MIA2: variants seen among roughly 807,000 people sequenced by gnomAD.
MIA2 encodes melanoma inhibitory activity protein 2.
Under a neutral mutation model 167.8 loss-of-function variants are expected in MIA2, and 127 were observed. That is an observed-to-expected ratio of 0.76 (90% CI 0.66 to 0.88). MIA2 has a LOEUF of 0.88. Ranked by LOEUF, MIA2 falls within the 40% of genes least tolerant of loss-of-function variation. The pLI is 0.00. For missense variants in MIA2, 1,690 were observed against 1,624.7 expected (o/e 1.04, Z -0.69); for synonymous variants, 552 against 541.9 (o/e 1.02, Z -0.26).
rs577804139 is a variant in MIA2, at chr14:39,314,460, C to A, written c.3120-279C>A. Among the ~76,000 whole-genome samples the A allele has an allele frequency of 4.7e-5, 7 of 148,436 alleles. No individual in the cohort carries two copies. In the South Asian group the frequency reaches 1.5e-3, roughly 32 times the overall value. On this transcript the variant is annotated intron_variant, in intron 19 of 28. Coordinates refer to ENST00000640607, the MANE Select transcript of MIA2 (RefSeq NM_001329214.4). ...CTTCTTAAAAATAAAAAAAAAACAA[C>A]ACAATATACCACGTAAATATTTATG...
intron 3 of MIA2, among the ~76,000 whole-genome samples, chr14:39,242,324 A>ATTTTTTTTTT: frequency 7.1e-6 from 1 of 141,290 alleles, no homozygotes; most frequent in Admixed American, 7.2e-5. Flanking sequence ...TACTTATTGC[A>ATTTTTTTTTT]TTTTTTTTTT....
Position 39,247,356 on chromosome 14 carries a change from A to C in MIA2, c.782A>C (p.Glu261Ala). The stretch of plus-strand genomic sequence containing the variant: ...AGTAGAAAAATAGCAGTGGAAGATG[A>C]GAATGACCTAGAGGAATTAAATAAT... Reference protein sequence around the residue: ...FRSRKIAVEDENDLEELNNGE... With the variant: ...FRSRKIAVEDANDLEELNNGE... Residue 261 changes from glutamate (E) to alanine (A), a missense_variant, in exon 4 of 29, where the codon GAG becomes GCG. Glu to Ala is a moderately radical substitution (Grantham distance 107, BLOSUM62 -1). Coordinates refer to ENST00000640607, the MANE Select transcript of MIA2 (RefSeq NM_001329214.4). The C allele has an allele frequency of 6.2e-7, 1 of 1,614,148 alleles. No homozygotes were observed. Among genetic ancestry groups the C allele is most frequent in the South Asian group, 1.1e-5 (1 of 91,074 alleles).
At chr14:39,341,023 T>C (rs1032472495) in intron 25 of MIA2, among the ~76,000 whole-genome samples, 5 of 151,996 alleles carry the variant, frequency 3.3e-5, no homozygotes, top group African/African-American at 1.2e-4. Flanking sequence ...TAATATTGGC[T>C]GGGCATGGTG....
intron 24 of MIA2, among the ~76,000 whole-genome samples, chr14:39,324,568 G>A (rs1236970240): frequency 2.0e-5 from 3 of 151,952 alleles, no homozygotes; most frequent in African/African-American, 7.2e-5. Flanking sequence ...TCTTAAAGGA[G>A]GTACTGAAAT....
intron 23 of MIA2, among the ~76,000 whole-genome samples, chr14:39,377,948 G>A (rs1033655431): frequency 8.5e-5 from 13 of 152,158 alleles, no homozygotes; most frequent in African/African-American, 2.9e-4. Flanking sequence ...GTCACCAAGT[G>A]ACATTCTTTA....
chr14:39,269,031 T>C, intron 6 of MIA2: 1 of 983,944 alleles, frequency 1.0e-6, no homozygotes, highest in Non-Finnish European at 1.2e-6. Context: ...AGCCAGATTT[T>C]GCAGTTTTCT....
intron 23 of MIA2, among the ~76,000 whole-genome samples, chr14:39,358,555 TAA>T (rs2074593319): frequency 6.6e-6 from 1 of 152,216 alleles, no homozygotes; most frequent in African/African-American, 2.4e-5. Context: ...CTCAACCCGT[TAA>T]AGTCATTCTC....
At chr14:39,360,539 T>G (rs891042157) in intron 23 of MIA2, among the ~76,000 whole-genome samples, 6 of 152,196 alleles carry the variant, frequency 3.9e-5, no homozygotes, top group Non-Finnish European at 7.3e-5. Flanking sequence ...TCTTGTGTAT[T>G]CTTTATATTA....
At chr14:39,381,014 A>G (rs1251374011) in intron 23 of MIA2, among the ~76,000 whole-genome samples, 1 of 140,474 alleles carries the variant, frequency 7.1e-6, no homozygotes, top group Non-Finnish European at 1.5e-5. Flanking sequence ...CTATTTTAGT[A>G]AAAAAAACAA....
At chr14:39,275,981 A>G (rs2057947946) in intron 6 of MIA2, among the ~76,000 whole-genome samples, 1 of 152,194 alleles carries the variant, frequency 6.6e-6, no homozygotes, top group Non-Finnish European at 1.5e-5. Context: ...CACTGTTCTT[A>G]TAGGCAGAAA....
At position 39,279,355 on chromosome 14, in the gene MIA2, G is replaced by A. The variant is rs757665840; in HGVS notation, c.2038G>A (p.Val680Met). 1 of 1,608,178 alleles carries A rather than the reference G, an allele frequency of 6.2e-7. No homozygotes were observed. Among genetic ancestry groups the A allele is most frequent in the African/African-American group, 1.3e-5 (1 of 74,434 alleles). The change falls in exon 8 of 29, where the codon GTG becomes ATG. Residue 680 changes from valine to methionine, a missense_variant. Transcript: ENST00000640607. ...SFRSVRSRLYVGREKKLALML... is the reference protein window; with the variant it reads ...SFRSVRSRLYMGREKKLALML... Reference sequence around the variant, plus strand: ...GTTTCAGGTTAGGAGTCGGCTTTATGTGGGTAAGTTCTTTTTTCTGCTTTG... The same window carrying A: ...GTTTCAGGTTAGGAGTCGGCTTTATATGGGTAAGTTCTTTTTTCTGCTTTG...
At position 39,236,957 on chromosome 14, in the gene MIA2, A is replaced by G. The variant is rs2053773337; in HGVS notation, c.151A>G (p.Arg51Gly). ...CAGAGTCTCAGCCATGAGAGATTATAGAGGACCTGACTGCCGATACCTGAA... is the reference window on the plus strand; with the variant it reads ...CAGAGTCTCAGCCATGAGAGATTATGGAGGACCTGACTGCCGATACCTGAA... ...INRVSAMRDY[R>G]GPDCRYLNFT... The change falls in exon 2 of 29, where the codon AGA becomes GGA. Residue 51 changes from arginine to glycine, a missense_variant. Coordinates refer to ENST00000640607, the MANE Select transcript of MIA2 (RefSeq NM_001329214.4). 7 of 1,613,962 alleles carry G rather than the reference A, an allele frequency of 4.3e-6. No homozygotes were observed. Among genetic ancestry groups the G allele is most frequent in the Non-Finnish European group, 5.9e-6 (7 of 1,179,874 alleles).
At chr14:39,341,721 A>G (rs1033097528) in intron 25 of MIA2, among the ~76,000 whole-genome samples, 5 of 152,216 alleles carry the variant, frequency 3.3e-5, no homozygotes, top group African/African-American at 9.7e-5. Context: ...AAACATTAGT[A>G]AAGTGTAGTA....
chr14:39,286,109 G>T (rs1273761958), intron 9 of MIA2, among the ~76,000 whole-genome samples: 2 of 152,108 alleles, frequency 1.3e-5, no homozygotes, highest in Non-Finnish European at 2.9e-5. Context: ...GGAGGTGGAG[G>T]TTGTAGCTAG....
intron 23 of MIA2, among the ~76,000 whole-genome samples, chr14:39,364,926 G>A (rs528782253): frequency 6.6e-6 from 1 of 151,932 alleles, no homozygotes; most frequent in Non-Finnish European, 1.5e-5. Flanking sequence ...GTGCTGTGGA[G>A]AATACCTTTT....
intron 14 of MIA2, 47 bp downstream of exon 14, chr14:39,300,033 C>T (rs777240424): frequency 6.4e-7 from 1 of 1,564,118 alleles, no homozygotes; most frequent in East Asian, 2.3e-5. Flanking sequence ...TAGAATTTTA[C>T]ACTAACTCTG....
chr14:39,386,583 G>A, intron 23 of MIA2: 1 of 1,067,412 alleles, frequency 9.4e-7, no homozygotes, highest in East Asian at 2.4e-5. Context: ...ATCACCTGCT[G>A]TGCCACAGTG....
rs147156780 is a variant in MIA2 at position 39,300,791 on chromosome 14, G to A, written c.2619+805G>A. Among the ~76,000 whole-genome samples the A allele has an allele frequency of 2.5e-3, 379 of 151,750 alleles. 2 individuals are homozygous for A. Among genetic ancestry groups the A allele is most frequent in the Admixed American group, 7.7e-3 (118 of 15,236 alleles). On this transcript the variant is annotated intron_variant, in intron 14 of 28. Transcript: ENST00000640607. ...TGTAACAAACCTGCACATTGTGCAC[G>A]TGTATCCCAGAACTTAAAATATAAT...
chr14:39,321,762 ATTT>A (rs35965549), intron 24 of MIA2, among the ~76,000 whole-genome samples: 8 of 131,966 alleles, frequency 6.1e-5, no homozygotes, highest in Non-Finnish European at 3.3e-5. Context: ...TATATATGTA[ATTT>A]TTTTTTTTTT....
Sources: gnomAD v4.1 joint callset for allele counts (sites outside exome capture counted in the v4.1 genomes callset) on GRCh38, gnomAD v4.1.1 for gene constraint, MANE v1.5 for transcripts, NCBI Gene and HGNC (gene_info 2026-07-23, HGNC 2026-07-21) for gene names.